Variants in SLC11A2 observed in about 807,000 individuals in gnomAD.
The protein encoded by SLC11A2 is solute carrier family 11 member 2, also known as natural resistance-associated macrophage protein 2.
SLC11A2 carries 38 observed loss-of-function variants against 68.0 expected under a neutral mutation model. The ratio of observed to expected loss-of-function variants is 0.56; its 90% confidence interval spans 0.43 to 0.73. The LOEUF (loss-of-function observed/expected upper bound fraction) is 0.73, where lower values mean the gene tolerates loss of function less well. Ranked by LOEUF, SLC11A2 falls within the 30% of genes least tolerant of loss-of-function variation. SLC11A2 has a pLI of 0.00. For synonymous variants in SLC11A2, 242 were observed against 250.6 expected (o/e 0.97, Z 0.32); for missense variants, 517 against 690.5 (o/e 0.75, Z 2.82).
the SLC11A2 span, chr12:50,960,880 A>C: frequency 1.7e-6 from 2 of 1,152,476 alleles, no homozygotes; most frequent in Non-Finnish European, 2.4e-6. Context: ...GGGTCTTGCT[A>C]TGTTGCCCAG....
At chr12:50,982,317 C>G (rs1022242121), downstream of SLC11A2, among the ~76,000 whole-genome samples, 1 of 152,170 alleles carries the variant, frequency 6.6e-6, no homozygotes, top group African/African-American at 2.4e-5. Context: ...TCAGAATCAC[C>G]GAAGCTGCTT....
downstream of SLC11A2, among the ~76,000 whole-genome samples, chr12:50,976,817 G>A (rs1939854967): frequency 6.6e-6 from 1 of 152,168 alleles, no homozygotes; most frequent in African/African-American, 2.4e-5. Context: ...AAAAATCAAT[G>A]TGCAAAAATC....
chr12:51,001,488 C>T (rs1481806621), intron 5 of SLC11A2, among the ~76,000 whole-genome samples: 1 of 151,022 alleles, frequency 6.6e-6, no homozygotes, highest in Admixed American at 6.6e-5. Context: ...ACCCCCATGA[C>T]ACGTGTTTAT....
chr12:51,009,283 G>C, intron 2 of SLC11A2: 1 of 1,298,452 alleles, frequency 7.7e-7, no homozygotes, highest in Non-Finnish European at 9.7e-7. Context: ...CGCCGGTCAC[G>C]GGGTACTGGC....
chr12:50,963,009 T>G, the SLC11A2 span, among the ~76,000 whole-genome samples: 3 of 134,636 alleles, frequency 2.2e-5, no homozygotes, highest in African/African-American at 9.1e-5. Flanking sequence ...ACTTATATAA[T>G]TATGAGGCTC....
the SLC11A2 span, among the ~76,000 whole-genome samples, chr12:50,971,831 G>T: frequency 6.6e-6 from 1 of 152,188 alleles, no homozygotes; most frequent in Non-Finnish European, 1.5e-5. Flanking sequence ...AGTATTTGGG[G>T]ATAAGAAAGA....
At chr12:50,995,258 A>G (rs1002166172) in intron 10 of SLC11A2, among the ~76,000 whole-genome samples, 2 of 152,192 alleles carry the variant, frequency 1.3e-5, no homozygotes, top group African/African-American at 2.4e-5. Flanking sequence ...GCAGTGAGCC[A>G]AGACTGTGCC....
downstream of SLC11A2, among the ~76,000 whole-genome samples, chr12:50,974,438 C>A (rs1315537576): frequency 6.6e-6 from 1 of 152,166 alleles, no homozygotes; most frequent in Non-Finnish European, 1.5e-5. Context: ...CAAGCAAATG[C>A]TGAGAGATTC....
chr12:50,985,311 G>A (rs1472282889), downstream of SLC11A2, among the ~76,000 whole-genome samples: 1 of 152,130 alleles, frequency 6.6e-6, no homozygotes, highest in East Asian at 1.9e-4. Flanking sequence ...CCAAAGTAAA[G>A]AGAGAGCACT....
intron 1 of SLC11A2, among the ~76,000 whole-genome samples, chr12:51,015,293 T>A (rs944529816): frequency 6.6e-6 from 1 of 151,208 alleles, no homozygotes; most frequent in African/African-American, 2.4e-5. Context: ...CTGACCAACA[T>A]GGAGAAACCC....
the SLC11A2 span, among the ~76,000 whole-genome samples, chr12:50,971,749 T>C: frequency 6.6e-6 from 1 of 152,236 alleles, no homozygotes; most frequent in South Asian, 2.1e-4. Flanking sequence ...TGTAAGATGA[T>C]TTCTGGTGGG....
In SLC11A2 at chr12:50,988,322, G is replaced by A. The variant is rs755553232; in HGVS notation, c.*3C>T. The A allele has an allele frequency of 6.2e-7, 1 of 1,613,984 alleles. No homozygotes were observed. Among genetic ancestry groups the A allele is most frequent in the Admixed American group, 1.7e-5 (1 of 60,012 alleles). ...TACCTGCAGAAGACAGACTAATCCA[G>A]TGTTATTTAACGTAGCCACGGGTGG... is the stretch of plus-strand genomic sequence containing the variant. On this transcript the variant is annotated 3_prime_UTR_variant, in exon 16 of 16. Coordinates refer to ENST00000262052, the MANE Select transcript of SLC11A2 (RefSeq NM_000617.3).
the SLC11A2 span, among the ~76,000 whole-genome samples, chr12:50,972,914 C>G: frequency 1.3e-5 from 2 of 152,202 alleles, no homozygotes; most frequent in African/African-American, 2.4e-5. Context: ...AGTCTGAGAT[C>G]AAACTGCAAC....
chr12:51,000,282 A>C, intron 6 of SLC11A2, 31 bp downstream of exon 6: 1 of 1,469,232 alleles, frequency 6.8e-7, no homozygotes. Flanking sequence ...CCAGCAAAAC[A>C]CTGATGACTT....
At chr12:51,002,625 C>T (rs1479910648) in intron 5 of SLC11A2, among the ~76,000 whole-genome samples, 4 of 47,794 alleles carry the variant, frequency 8.4e-5, no homozygotes, top group Admixed American at 2.8e-4. Flanking sequence ...GGTGACAAAG[C>T]GAGACTTGGT....
chr12:50,988,232 G>A lies in SLC11A2; in HGVS notation c.*93C>T. On this transcript the variant is annotated 3_prime_UTR_variant, in exon 16 of 16. Coordinates refer to ENST00000262052, the MANE Select transcript of SLC11A2 (RefSeq NM_000617.3). ...CGGTTGAGTCATAAACACAGTCTGTGCAACGGCACATACTTTTGGCTATGT... is the reference window on the plus strand; with the variant it reads ...CGGTTGAGTCATAAACACAGTCTGTACAACGGCACATACTTTTGGCTATGT... The A allele has an allele frequency of 6.3e-7, 1 of 1,597,972 alleles. No individual in the cohort carries two copies. The highest frequency in any genetic ancestry group is 8.5e-7 in the Non-Finnish European group (1 of 1,172,204).
downstream of SLC11A2, among the ~76,000 whole-genome samples, chr12:50,984,613 TA>T (rs1416622121): frequency 6.6e-6 from 1 of 152,184 alleles, no homozygotes; most frequent in African/African-American, 2.4e-5. Flanking sequence ...GGAAATAGGC[TA>T]AAATACTTCC....
chr12:50,974,430 A>G (rs1248494713), downstream of SLC11A2, among the ~76,000 whole-genome samples: 1 of 152,200 alleles, frequency 6.6e-6, no homozygotes, highest in Non-Finnish European at 1.5e-5. Flanking sequence ...TTTACAGACA[A>G]GCAAATGCTG....
chr12:50,991,615 C>A lies in SLC11A2; in HGVS notation c.1405G>T (p.Asp469Tyr). The A allele has an allele frequency of 1.2e-6, 2 of 1,613,878 alleles. No individual in the cohort carries two copies. Among genetic ancestry groups the A allele is most frequent in the South Asian group, 1.1e-5 (1 of 90,994 alleles). The stretch of plus-strand genomic sequence containing the variant: ...TACACTCACAGTCCATTGGCAAAGT[C>A]ACTCATTACTGGCCGCAAGCTCGTA... ...TFTSLRPVMS[D>Y]FANGLGWRIA... Residue 469 changes from aspartate (D) to tyrosine (Y), a missense_variant, in exon 14 of 16, where the codon GAC becomes TAC. By Grantham distance (160) the Asp-to-Tyr change is radical. Transcript: ENST00000262052.
Sources: allele counts gnomAD v4.1 joint callset (sites outside exome capture counted in the v4.1 genomes callset), GRCh38; gene constraint gnomAD v4.1.1; transcripts MANE v1.5; gene names NCBI Gene and HGNC (gene_info 2026-07-23, HGNC 2026-07-21).